AOPEP: variants seen among roughly 807,000 people sequenced by gnomAD.
AOPEP encodes aminopeptidase O (putative).
A neutral mutation model predicts 98.1 loss-of-function variants in AOPEP; 77 were observed. That is an observed-to-expected ratio of 0.78 (90% CI 0.65 to 0.95). AOPEP has a LOEUF of 0.95. AOPEP is among the 40% of genes least tolerant of loss of function. The probability of loss-of-function intolerance (pLI) is 0.00; values close to 1 mark genes in which losing one functional copy is unlikely to be tolerated. For synonymous variants in AOPEP, 346 were observed against 365.3 expected (o/e 0.95, Z 0.60); for missense variants, 1,024 against 1,024.7 (o/e 1.00, Z 0.01).
chr9:94,923,410 C>T (rs978884031), intron 5 of AOPEP, among the ~76,000 whole-genome samples: 7 of 152,204 alleles, frequency 4.6e-5, no homozygotes, highest in African/African-American at 1.7e-4. Context: ...CTTGGCCTTA[C>T]ACGGTCTCGG....
intron 7 of AOPEP, 88 bp downstream of exon 7, chr9:94,928,619 G>A (rs1429103048): frequency 2.2e-6 from 2 of 907,036 alleles, no homozygotes; most frequent in Admixed American, 2.4e-5. Flanking sequence ...CATCTGCTGT[G>A]TTTCCTTTTT....
At chr9:94,813,028 G>A (rs1456297353) in intron 5 of AOPEP, among the ~76,000 whole-genome samples, 2 of 152,046 alleles carry the variant, frequency 1.3e-5, no homozygotes, top group Non-Finnish European at 2.9e-5. Context: ...CAAAAAAAAA[G>A]GGGACAAGGA....
intron 5 of AOPEP, chr9:94,920,351 A>G: frequency 6.5e-6 from 1 of 152,774 alleles, no homozygotes; most frequent in Non-Finnish European, 1.5e-5. Context: ...CTTGCTCTCC[A>G]TGAGGGGAAT....
rs536022607 is a variant in AOPEP at position 94,899,587 on chromosome 9, A to C, written c.1365-24399A>C. ...CAACAAAATGAGACCCCATCACTAC[A>C]AAAAATTTACAAATTAGCCAGACGT... On this transcript the variant is annotated intron_variant, in intron 5 of 16. Transcript: ENST00000375315. Among the ~76,000 whole-genome samples the C allele has an allele frequency of 1.4e-4, 21 of 151,816 alleles. No homozygotes were observed. In the South Asian group the frequency reaches 4.4e-3, roughly 32 times the overall value.
intron 7 of AOPEP, among the ~76,000 whole-genome samples, chr9:94,949,328 T>C (rs2057927250): frequency 6.6e-6 from 1 of 152,218 alleles, no homozygotes; most frequent in South Asian, 2.1e-4. Context: ...GTTTGCATTT[T>C]CCACAGTTCT....
intron 7 of AOPEP, among the ~76,000 whole-genome samples, chr9:94,938,825 AAGAGAAAGAGTCT>A (rs901638247): frequency 1.3e-5 from 2 of 152,252 alleles, no homozygotes; most frequent in African/African-American, 4.8e-5. Context: ...CATATGATCA[AAGAGAAAGAGTCT>A]AGAGAACAGA....
intron 13 of AOPEP, among the ~76,000 whole-genome samples, chr9:95,031,370 C>T (rs2064283778): frequency 6.6e-6 from 1 of 152,154 alleles, no homozygotes; most frequent in South Asian, 2.1e-4. Flanking sequence ...CTCTCCTAAA[C>T]ATCCAATCAC....
At chr9:94,787,678 G>A (rs1007994520) in intron 3 of AOPEP, among the ~76,000 whole-genome samples, 1 of 152,084 alleles carries the variant, frequency 6.6e-6, no homozygotes, top group Admixed American at 6.5e-5. Context: ...TACCAGACGT[G>A]TTATTCTTTT....
At chr9:95,025,064 G>A (rs1300530711) in intron 13 of AOPEP, among the ~76,000 whole-genome samples, 3 of 152,004 alleles carry the variant, frequency 2.0e-5, no homozygotes, top group Non-Finnish European at 4.4e-5. Context: ...ATTATATTTG[G>A]GATCTCAATC....
chr9:95,104,570 C>G, the AOPEP span, among the ~76,000 whole-genome samples: 59 of 152,328 alleles, frequency 3.9e-4, no homozygotes, highest in African/African-American at 1.3e-3. Flanking sequence ...CCAGCAATGT[C>G]TCTGGGCCCA....
At chr9:95,078,117 G>A (rs1214860868) in intron 14 of AOPEP, among the ~76,000 whole-genome samples, 1 of 152,126 alleles carries the variant, frequency 6.6e-6, no homozygotes, top group Admixed American at 6.5e-5. Flanking sequence ...CCAGGGGTCA[G>A]AAGCCTGGGT....
intron 16 of AOPEP, among the ~76,000 whole-genome samples, chr9:95,083,700 CCA>C (rs974997374): frequency 6.6e-6 from 1 of 151,982 alleles, no homozygotes; most frequent in Non-Finnish European, 1.5e-5. Flanking sequence ...ACCGCACGCA[CCA>C]CACAGAGCAC....
At chr9:94,831,375 C>T (rs1045189143) in intron 5 of AOPEP, among the ~76,000 whole-genome samples, 2 of 151,956 alleles carry the variant, frequency 1.3e-5, no homozygotes, top group Non-Finnish European at 2.9e-5. Flanking sequence ...GGTGTGTGGT[C>T]TTATTTCCGA....
chr9:94,746,012 C>T (rs1167615028), intron 1 of AOPEP, among the ~76,000 whole-genome samples: 2 of 152,230 alleles, frequency 1.3e-5, no homozygotes, highest in African/African-American at 4.8e-5. Flanking sequence ...GTTCCCCTTT[C>T]TTCACATCGT....
rs143555020 is a variant in AOPEP, at chr9:94,955,245, C to T, written c.1730C>T (p.Pro577Leu). 23 of 1,613,314 alleles carry T rather than the reference C, an allele frequency of 1.4e-5. No individual in the cohort carries two copies. The highest frequency in any genetic ancestry group is 9.3e-5 in the African/African-American group (7 of 75,032). Reference protein sequence around the residue: ...GASVIKHGLNPEKIFMQVHYL... With the variant: ...GASVIKHGLNLEKIFMQVHYL... ...TCTGTTATCAAGCATGGACTTAATC[C>T]GGAGAAGATCTTCATGCAGGTGCAT... The change falls in exon 8 of 17, where the codon CCG (proline) becomes CTG (leucine). Residue 577 changes from proline (P) to leucine (L), a missense_variant. Pro to Leu is a moderately conservative substitution (Grantham distance 98). Transcript: ENST00000375315.
chr9:94,939,126 T>C (rs954792494), intron 7 of AOPEP, among the ~76,000 whole-genome samples: 1 of 151,938 alleles, frequency 6.6e-6, no homozygotes, highest in African/African-American at 2.4e-5. Flanking sequence ...CAGGCGCCTG[T>C]AGTCCCACCT....
chr9:95,006,363 A>G (rs962985413), intron 13 of AOPEP, among the ~76,000 whole-genome samples: 4 of 152,220 alleles, frequency 2.6e-5, no homozygotes, highest in African/African-American at 9.6e-5. Flanking sequence ...GCAAGGGATT[A>G]AAATAGCGGT....
intron 3 of AOPEP, 72 bp from the exon 4 acceptor site, chr9:94,792,693 G>C: frequency 7.4e-7 from 1 of 1,354,984 alleles, no homozygotes; most frequent in Non-Finnish European, 9.8e-7. Flanking sequence ...CAAGTGCCTC[G>C]AGAAGAAATT....
intron 13 of AOPEP, among the ~76,000 whole-genome samples, chr9:95,013,852 CCT>C (rs1253246018): frequency 2.6e-5 from 4 of 152,072 alleles, no homozygotes; most frequent in Non-Finnish European, 5.9e-5. Context: ...CATTTCTTTC[CCT>C]TGGGGAGTGA....
Sources: gnomAD v4.1 joint callset for allele counts (sites outside exome capture counted in the v4.1 genomes callset) on GRCh38, gnomAD v4.1.1 for gene constraint, MANE v1.5 for transcripts, NCBI Gene and HGNC (gene_info 2026-07-23, HGNC 2026-07-21) for gene names.